The following EXOC6 variants were observed in gnomAD, a reference collection of about 807,000 sequenced individuals.
The protein encoded by EXOC6 is SEC15-like 1.
A neutral mutation model predicts 112.5 loss-of-function variants in EXOC6; 60 were observed. The observed-to-expected ratio is 0.53, with a 90% CI of 0.43 to 0.66. EXOC6 has a LOEUF of 0.66. Ranked by LOEUF, EXOC6 falls within the 30% of genes least tolerant of loss-of-function variation. The pLI is 0.00. For missense variants in EXOC6, 855 were observed against 957.1 expected (o/e 0.89, Z 1.41); for synonymous variants, 295 against 308.0 (o/e 0.96, Z 0.44).
intron 17 of EXOC6, among the ~76,000 whole-genome samples, chr10:92,962,896 A>G (rs1401028535): frequency 6.6e-6 from 1 of 152,204 alleles, no homozygotes; most frequent in African/African-American, 2.4e-5. Flanking sequence ...ATACCTTTAG[A>G]TGAGACTTAA....
At position 92,983,417 on chromosome 10, in the gene EXOC6, AC is replaced by A. The variant is rs769733703; in HGVS notation, c.1953+9186del. 1.6e-4 allele frequency among the ~76,000 whole-genome samples: 25 copies of A among 152,186 alleles called. No individual in the cohort carries two copies. The South Asian group carries it at 1.9e-3, about 11-fold the overall frequency. On this transcript the variant is annotated intron_variant, in intron 18 of 21. Transcript: ENST00000260762. Reference sequence around the variant, plus strand: ...TAGTGAGCCTGTGAAATACAAAAGTACAAGTAGCAACCTTTCCCTTCCCCTT... The same window carrying A: ...TAGTGAGCCTGTGAAATACAAAAGTAAAGTAGCAACCTTTCCCTTCCCCTT...
intron 17 of EXOC6, among the ~76,000 whole-genome samples, chr10:92,957,423 T>A (rs1424692630): frequency 6.6e-6 from 1 of 152,280 alleles, no homozygotes; most frequent in Admixed American, 6.5e-5. Context: ...GATTAGGGGA[T>A]CTTGGAACTG....
intron 9 of EXOC6, among the ~76,000 whole-genome samples, chr10:92,930,669 A>C (rs973816836): frequency 6.6e-6 from 1 of 152,132 alleles, no homozygotes; most frequent in Non-Finnish European, 1.5e-5. Context: ...TTAAAATTGT[A>C]AACTTTTAGG....
chr10:92,975,254 C>T (rs545024791), intron 18 of EXOC6, among the ~76,000 whole-genome samples: 23 of 151,392 alleles, frequency 1.5e-4, no homozygotes, highest in African/African-American at 5.1e-4. Context: ...TCTACCCGGC[C>T]GCGACCCCGT....
At chr10:93,047,265 G>A (rs369877903) in intron 20 of EXOC6, among the ~76,000 whole-genome samples, 1 of 152,192 alleles carries the variant, frequency 6.6e-6, no homozygotes, top group Non-Finnish European at 1.5e-5. Context: ...GGCCAGGCAC[G>A]GTGGCTCACG....
chr10:93,058,149 C>T, intron 21 of EXOC6, 74 bp from the exon 22 acceptor site: 1 of 1,394,530 alleles, frequency 7.2e-7, no homozygotes. Context: ...CAGAGCATGC[C>T]AAGATATTTT....
At chr10:92,976,109 C>A (rs1253689046) in intron 18 of EXOC6, among the ~76,000 whole-genome samples, 2 of 151,670 alleles carry the variant, frequency 1.3e-5, no homozygotes, top group South Asian at 4.2e-4. Context: ...GGCGCCTCTG[C>A]CCGGCCACCC....
intron 16 of EXOC6, 78 bp downstream of exon 16, chr10:92,954,819 T>G (rs889247055): frequency 1.5e-6 from 1 of 663,064 alleles, no homozygotes; most frequent in Non-Finnish European, 2.6e-6. Context: ...AACGTCATTC[T>G]GTAAAACTAG....
At chr10:93,037,340 A>G (rs1469321535) in intron 20 of EXOC6, among the ~76,000 whole-genome samples, 3 of 151,406 alleles carry the variant, frequency 2.0e-5, no homozygotes, top group East Asian at 3.9e-4. Context: ...GAGTCTTGCC[A>G]TGTTGCCCAG....
intron 8 of EXOC6, among the ~76,000 whole-genome samples, chr10:92,926,859 T>C (rs915233410): frequency 2.0e-5 from 3 of 152,198 alleles, no homozygotes; most frequent in Admixed American, 6.5e-5. Context: ...GAGTGATGGC[T>C]GGATATGTTT....
chr10:93,014,256 G>A lies in EXOC6; in HGVS notation c.2158G>A (p.Asp720Asn). Residue 720 changes from aspartate (D) to asparagine (N), a missense_variant, in exon 20 of 22, where the codon GAC becomes AAC. Coordinates refer to ENST00000260762, the MANE Select transcript of EXOC6 (RefSeq NM_019053.6). ...QGDTLQLAFI[D>N]LRQLLDLFMV... ...GGATACCCTGCAGCTAGCATTCATTGACCTCAGACAAGTAAGATATAATAA... is the reference window on the plus strand; with the variant it reads ...GGATACCCTGCAGCTAGCATTCATTAACCTCAGACAAGTAAGATATAATAA... 2 of 1,612,168 alleles carry A rather than the reference G, an allele frequency of 1.2e-6. No homozygotes were observed. The highest frequency in any genetic ancestry group is 2.2e-5 in the East Asian group (1 of 44,794).
chr10:92,930,313 G>A (rs538535603), intron 9 of EXOC6, among the ~76,000 whole-genome samples: 113 of 151,970 alleles, frequency 7.4e-4, no homozygotes, highest in Non-Finnish European at 1.4e-3. Flanking sequence ...GACCAGCCTG[G>A]CCAACATGGT....
chr10:92,929,523 A>G (rs1851909557), intron 9 of EXOC6, among the ~76,000 whole-genome samples: 1 of 152,210 alleles, frequency 6.6e-6, no homozygotes, highest in Admixed American at 6.5e-5. Context: ...AACAACAAAA[A>G]TAGATTCTAA....
intron 17 of EXOC6, among the ~76,000 whole-genome samples, chr10:92,968,855 G>A (rs985867126): frequency 6.6e-6 from 1 of 151,988 alleles, no homozygotes; most frequent in African/African-American, 2.4e-5. Context: ...TGAAATAGTG[G>A]GAATCAGACA....
chr10:92,856,352 C>G (rs1225112042), intron 1 of EXOC6, among the ~76,000 whole-genome samples: 2 of 151,974 alleles, frequency 1.3e-5, no homozygotes, highest in Non-Finnish European at 2.9e-5. Context: ...AAATTTTTCT[C>G]TAAGAACAGC....
At chr10:92,891,480 A>G (rs1017699972) in intron 1 of EXOC6, among the ~76,000 whole-genome samples, 12 of 152,242 alleles carry the variant, frequency 7.9e-5, no homozygotes, top group Non-Finnish European at 1.6e-4. Context: ...CCAAGAACCT[A>G]AATTCTTTTT....
chr10:92,836,211 G>A (rs182698614), intron 1 of EXOC6, among the ~76,000 whole-genome samples: 81 of 152,226 alleles, frequency 5.3e-4, no homozygotes, highest in South Asian at 4.2e-4. Context: ...ACCTCTCCCC[G>A]GTCTCACAAC....
At chr10:92,904,761 A>G (rs1047392974) in intron 5 of EXOC6, among the ~76,000 whole-genome samples, 19 of 152,022 alleles carry the variant, frequency 1.2e-4, no homozygotes, top group African/African-American at 4.1e-4. Context: ...CAGTGTTTTT[A>G]AAGAGTAGGA....
intron 17 of EXOC6, among the ~76,000 whole-genome samples, chr10:92,963,979 A>G (rs1854160584): frequency 6.6e-6 from 1 of 151,958 alleles, no homozygotes. Context: ...CACAATACAT[A>G]TCCTAAAGCC....
Sources: allele counts gnomAD v4.1 joint callset (sites outside exome capture counted in the v4.1 genomes callset), GRCh38; gene constraint gnomAD v4.1.1; transcripts MANE v1.5; gene names NCBI Gene and HGNC (gene_info 2026-07-23, HGNC 2026-07-21).